HMCN1: variants seen among roughly 807,000 people sequenced by gnomAD.
HMCN1 encodes hemicentin-1.
HMCN1 carries 321 observed loss-of-function variants against 625.9 expected under a neutral mutation model. The observed-to-expected ratio is 0.51, with a 90% CI of 0.47 to 0.56. HMCN1 has a LOEUF of 0.56. Among genes scored for constraint, HMCN1 ranks in the 20% least tolerant of loss-of-function variants. The pLI, the probability that HMCN1 is intolerant of heterozygous loss-of-function variation, is 0.00. For synonymous variants in HMCN1, 2,425 were observed against 2,417.6 expected, an observed-to-expected ratio of 1.00 and a Z score of -0.09; for missense variants, 6,588 against 6,887.3, an observed-to-expected ratio of 0.96 and a Z score of 1.54.
chr1:185,893,268 C>T (rs1019776662), intron 4 of HMCN1, among the ~76,000 whole-genome samples: 1 of 152,212 alleles, frequency 6.6e-6, no homozygotes, highest in African/African-American at 2.4e-5. Context: ...AATCACCCAT[C>T]TTCTGCGTTG....
intron 26 of HMCN1, among the ~76,000 whole-genome samples, chr1:186,001,021 G>A (rs1479166500): frequency 1.3e-5 from 2 of 151,898 alleles, no homozygotes; most frequent in Admixed American, 6.6e-5. Context: ...CTTGTATTTT[G>A]AGTAATATGT....
intron 104 of HMCN1, among the ~76,000 whole-genome samples, chr1:186,179,109 C>A (rs576607962): frequency 4.6e-5 from 7 of 152,038 alleles, no homozygotes; most frequent in African/African-American, 1.7e-4. Context: ...TGCCACATAA[C>A]GTAATGCCAT....
intron 1 of HMCN1, among the ~76,000 whole-genome samples, chr1:185,834,616 G>A (rs1418176292): frequency 6.6e-6 from 1 of 152,158 alleles, no homozygotes; most frequent in Non-Finnish European, 1.5e-5. Flanking sequence ...CTTAATCTTG[G>A]TAGTGACATC....
At chr1:185,910,636 C>T (rs945578890) in intron 5 of HMCN1, among the ~76,000 whole-genome samples, 2 of 149,814 alleles carry the variant, frequency 1.3e-5, no homozygotes, top group East Asian at 4.0e-4. Flanking sequence ...AGTAGCATGA[C>T]CTCAGCTCAT....
At chr1:185,802,337 G>A (rs6690559) in intron 1 of HMCN1, among the ~76,000 whole-genome samples, 13,887 of 152,056 alleles carry the variant, frequency 0.091, 2,038 homozygotes, top group African/African-American at 0.31. Flanking sequence ...GGGACATTTC[G>A]GTACAAATGT....
At chr1:185,967,194 G>A (rs1571632575) in intron 14 of HMCN1, among the ~76,000 whole-genome samples, 1 of 152,118 alleles carries the variant, frequency 6.6e-6, no homozygotes, top group East Asian at 1.9e-4. Context: ...ATTCAAAAAA[G>A]TAATGGAAAT....
rs778374142 is a variant in HMCN1, at chr1:186,088,165, C to T, written c.9466C>T (p.Pro3156Ser). ...NVYVPPSIEG[P>S]EREVIVETIS... ...TACAGTGCCACCCAGTATTGAAGGACCTGAAAGAGAAGTGATTGTGGAGAC... is the reference window on the plus strand; with the variant it reads ...TACAGTGCCACCCAGTATTGAAGGATCTGAAAGAGAAGTGATTGTGGAGAC... Residue 3156 changes from proline to serine, a missense_variant, in exon 62 of 107, where the codon CCT (proline) becomes TCT (serine). Physicochemically the swap from Pro to Ser is moderately conservative, Grantham distance 74. Transcript: ENST00000271588. 6 of 1,610,132 alleles carry T rather than the reference C, an allele frequency of 3.7e-6. No homozygotes were observed. Among genetic ancestry groups the T allele is most frequent in the Non-Finnish European group, 5.1e-6 (6 of 1,177,820 alleles).
chr1:186,123,369 A>G (rs2102496343), intron 81 of HMCN1, 149 bp downstream of exon 81: 3 of 925,336 alleles, frequency 3.2e-6, no homozygotes, highest in Non-Finnish European at 5.1e-6. Context: ...GTGCACTTCA[A>G]ATCTGTTTTC....
At position 185,977,955 on chromosome 1, in the gene HMCN1, T is replaced by A. The variant is rs767937057; in HGVS notation, c.2540T>A (p.Leu847Gln). 1.2e-6 allele frequency: 2 copies of A among 1,612,758 alleles called. No individual in the cohort carries two copies. Among genetic ancestry groups the A allele is most frequent in the South Asian group, 1.1e-5 (1 of 91,064 alleles). ...TTTTCAGTTAGTTCCATCAGCCAAC[T>A]AAGAACAGGAGCTCTCTTTATTTTA... ...RPFSVSSISQ[L>Q]RTGALFILNL... Residue 847 changes from leucine to glutamine, a missense_variant, in exon 16 of 107, where the codon CTA becomes CAA. Leu to Gln is a moderately radical substitution (Grantham distance 113). Coordinates refer to ENST00000271588, the MANE Select transcript of HMCN1 (RefSeq NM_031935.3).
chr1:186,070,158 A>C (rs758316307), intron 51 of HMCN1, among the ~76,000 whole-genome samples: 1 of 152,224 alleles, frequency 6.6e-6, no homozygotes, highest in Non-Finnish European at 1.5e-5. Context: ...AGCTATTCCA[A>C]TGTACATTGA....
chr1:186,078,707 C>T (rs1052006725), intron 55 of HMCN1, among the ~76,000 whole-genome samples: 3 of 152,198 alleles, frequency 2.0e-5, no homozygotes. Context: ...AATTGAATTT[C>T]CGTGGTTTTA....
intron 104 of HMCN1, among the ~76,000 whole-genome samples, chr1:186,181,720 G>A (rs1452786660): frequency 6.6e-6 from 1 of 152,094 alleles, no homozygotes; most frequent in Non-Finnish European, 1.5e-5. Context: ...GAGAGAAAGA[G>A]AGCCAAAGTT....
chr1:185,780,534 T>C (rs1052385338), intron 1 of HMCN1, among the ~76,000 whole-genome samples: 3 of 152,336 alleles, frequency 2.0e-5, no homozygotes, highest in Admixed American at 6.5e-5. Flanking sequence ...CAATACCTAA[T>C]TTATTGAGAG....
chr1:185,976,556 A>G (rs1404468791), intron 15 of HMCN1, among the ~76,000 whole-genome samples: 1 of 152,146 alleles, frequency 6.6e-6, no homozygotes, highest in Non-Finnish European at 1.5e-5. Flanking sequence ...GAACCCATAG[A>G]AAAGGGGAAG....
At chr1:186,097,938 C>T (rs534704715) in intron 68 of HMCN1, among the ~76,000 whole-genome samples, 1 of 152,216 alleles carries the variant, frequency 6.6e-6, no homozygotes, top group South Asian at 2.1e-4. Context: ...GTCCCAAGAA[C>T]ACATACTGGG....
rs1265502045 is a variant in HMCN1 at position 186,119,285 on chromosome 1, C to A, written c.11943C>A (p.Thr3981=). 2.5e-6 allele frequency: 4 copies of A among 1,612,668 alleles called. No homozygotes were observed. Among genetic ancestry groups the A allele is most frequent in the Non-Finnish European group, 3.4e-6 (4 of 1,178,868 alleles). ...NAAGSAHRHV[T]LHVHEPPVIQ... Reference sequence around the variant, plus strand: ...CTGGCTCTGCACATCGACACGTGACCCTTCATGTTCATGGTATGGAAGGCT... The same window carrying A: ...CTGGCTCTGCACATCGACACGTGACACTTCATGTTCATGGTATGGAAGGCT... Residue 3981 remains threonine (T), a synonymous_variant, in exon 78 of 107, where the codon ACC becomes ACA. Transcript: ENST00000271588.
chr1:185,856,262 G>A (rs1033674484), intron 2 of HMCN1, among the ~76,000 whole-genome samples: 1 of 152,114 alleles, frequency 6.6e-6, no homozygotes, highest in African/African-American at 2.4e-5. Context: ...GTTGAGGTGG[G>A]TGGATCATCT....
At chr1:185,994,300 G>A (rs1157030224) in intron 23 of HMCN1, among the ~76,000 whole-genome samples, 4 of 152,124 alleles carry the variant, frequency 2.6e-5, no homozygotes, top group Admixed American at 1.3e-4. Context: ...AAAAGGAAGA[G>A]ATAGAGGCTC....
chr1:185,994,012 T>G (rs1384314078), intron 23 of HMCN1, among the ~76,000 whole-genome samples: 1 of 152,174 alleles, frequency 6.6e-6, no homozygotes, highest in African/African-American at 2.4e-5. Context: ...TCACTAACCT[T>G]TCTTATTTTT....
Sources: allele counts gnomAD v4.1 joint callset (sites outside exome capture counted in the v4.1 genomes callset), GRCh38; gene constraint gnomAD v4.1.1; transcripts MANE v1.5; gene names NCBI Gene and HGNC (gene_info 2026-07-23, HGNC 2026-07-21).